The following TUSC3 variants were observed in gnomAD, a reference collection of about 807,000 sequenced individuals.
The protein encoded by TUSC3 is dolichyl-diphosphooligosaccharide--protein glycosyltransferase subunit TUSC3.
TUSC3 carries 45 observed loss-of-function variants against 44.8 expected under a neutral mutation model. That is an observed-to-expected ratio of 1.00 (90% CI 0.79 to 1.29). The LOEUF (loss-of-function observed/expected upper bound fraction) is 1.29, where lower values mean the gene tolerates loss of function less well. Among genes scored for constraint, TUSC3 ranks in the 50% most tolerant of loss-of-function variants. The pLI is 0.00. For missense variants in TUSC3, 519 were observed against 437.9 expected, an observed-to-expected ratio of 1.19 and a Z score of -1.65; for synonymous variants, 212 against 152.9, an observed-to-expected ratio of 1.39 and a Z score of -2.85.
intron 2 of TUSC3, among the ~76,000 whole-genome samples, chr8:15,650,278 G>A (rs183956790): frequency 4.3e-4 from 65 of 152,162 alleles, no homozygotes; most frequent in Admixed American, 1.0e-3. Context: ...ATTGGTCTTT[G>A]CATTTTACTA....
intron 2 of TUSC3, among the ~76,000 whole-genome samples, chr8:15,625,564 T>C (rs1041223597): frequency 1.3e-5 from 2 of 152,212 alleles, no homozygotes; most frequent in African/African-American, 4.8e-5. Flanking sequence ...TGAACACATG[T>C]TCAAGAGCAA....
intron 2 of TUSC3, among the ~76,000 whole-genome samples, chr8:15,628,394 T>G (rs915270554): frequency 5.9e-5 from 9 of 152,322 alleles, no homozygotes; most frequent in Admixed American, 2.6e-4. Flanking sequence ...CCTTAATTTT[T>G]TAATGACATC....
chr8:15,697,682 T>C (rs1217403374), intron 6 of TUSC3, among the ~76,000 whole-genome samples: 1 of 152,242 alleles, frequency 6.6e-6, no homozygotes, highest in East Asian at 1.9e-4. Context: ...ATGGGTTATG[T>C]ACATTTTATT....
At chr8:15,747,129 A>G (rs888307850) in intron 8 of TUSC3, among the ~76,000 whole-genome samples, 3 of 152,056 alleles carry the variant, frequency 2.0e-5, no homozygotes, top group Admixed American at 2.0e-4. Flanking sequence ...ACATTTGCAG[A>G]CCATATTTTG....
chr8:15,671,290 A>G (rs1373630057), intron 5 of TUSC3, among the ~76,000 whole-genome samples: 1 of 152,030 alleles, frequency 6.6e-6, no homozygotes, highest in Non-Finnish European at 1.5e-5. Context: ...AGCTGTAACT[A>G]TGAATCATGC....
chr8:15,470,035 C>T (rs1360222658), intron 1 of TUSC3, among the ~76,000 whole-genome samples: 3 of 151,858 alleles, frequency 2.0e-5, no homozygotes, highest in East Asian at 1.9e-4. Flanking sequence ...GAAGGAAGAT[C>T]GCTTGAGCCC....
intron 6 of TUSC3, among the ~76,000 whole-genome samples, chr8:15,719,510 CACACACCACACACA>C (rs1028837609): frequency 1.8e-4 from 7 of 38,260 alleles, no homozygotes; most frequent in East Asian, 1.7e-3. Context: ...CACACACACA[CACACACCACACACA>C]CACACACACA....
intron 3 of TUSC3, among the ~76,000 whole-genome samples, chr8:15,654,607 C>T (rs923878113): frequency 2.0e-5 from 3 of 151,994 alleles, no homozygotes; most frequent in Non-Finnish European, 4.4e-5. Flanking sequence ...TAAAGCCCTG[C>T]AAACGTGGTG....
chr8:15,515,544 C>T (rs1159306403), intron 2 of TUSC3, among the ~76,000 whole-genome samples: 1 of 152,006 alleles, frequency 6.6e-6, no homozygotes, highest in Non-Finnish European at 1.5e-5. Context: ...AGATTAGAAA[C>T]CAGATTTGAA....
rs550679300 is a variant in TUSC3 at position 15,654,110 on chromosome 8, G to A, written c.426+3296G>A. Among the ~76,000 whole-genome samples the A allele has an allele frequency of 2.5e-4, 38 of 152,280 alleles. 2 individuals are homozygous for A. In the South Asian group the frequency reaches 7.7e-3, roughly 31 times the overall value. ...GGCATTTTAATTAAGAAAAAAGACT[G>A]AATTCTATGAGTTTTTAAGAACCTC... On this transcript the variant is annotated intron_variant, in intron 3 of 10. Transcript: ENST00000503731.
At chr8:15,842,754 C>A in the TUSC3 span, among the ~76,000 whole-genome samples, 2 of 152,154 alleles carry the variant, frequency 1.3e-5, no homozygotes, top group African/African-American at 2.4e-5. Context: ...GCGAGAAGGT[C>A]CTTTGGTATT....
rs371926066 is a variant in TUSC3 at position 15,752,395 on chromosome 8, CAGAA to C, written c.1028+3936_1028+3939del. The stretch of plus-strand genomic sequence containing the variant: ...TCTGGTTTAAAATACATTAATTAGA[CAGAA>C]AGAAATATATGAAAAGGAAGATATA... On this transcript the variant is annotated intron_variant, in intron 9 of 10. Transcript: ENST00000503731. Among the ~76,000 whole-genome samples the C allele has an allele frequency of 7.9e-4, 120 of 151,332 alleles. No individual in the cohort carries two copies. The East Asian group carries it at 0.013, about 16-fold the overall frequency.
intron 2 of TUSC3, among the ~76,000 whole-genome samples, chr8:15,491,590 A>G (rs1309585689): frequency 6.6e-6 from 1 of 152,200 alleles, no homozygotes; most frequent in Non-Finnish European, 1.5e-5. Flanking sequence ...TTGCTTACAT[A>G]CACTGTGACA....
chr8:15,770,411 G>A (rs536799780), downstream of TUSC3, among the ~76,000 whole-genome samples: 4 of 152,132 alleles, frequency 2.6e-5, no homozygotes, highest in Non-Finnish European at 5.9e-5. Flanking sequence ...CCTGTCAGGG[G>A]ATCAGGGGCT....
the TUSC3 span, among the ~76,000 whole-genome samples, chr8:15,841,545 G>C: frequency 6.6e-6 from 1 of 150,582 alleles, no homozygotes; most frequent in African/African-American, 2.4e-5. Context: ...ATGGCATCTT[G>C]CTTTGTCTCC....
At chr8:15,701,026 G>T (rs1230957879) in intron 6 of TUSC3, among the ~76,000 whole-genome samples, 1 of 151,668 alleles carries the variant, frequency 6.6e-6, no homozygotes, top group Non-Finnish European at 1.5e-5. Context: ...TATATGTGAT[G>T]TCCAGGGTGT....
At chr8:15,728,246 C>T (rs1585273806) in intron 6 of TUSC3, among the ~76,000 whole-genome samples, 1 of 152,236 alleles carries the variant, frequency 6.6e-6, no homozygotes, top group South Asian at 2.1e-4. Flanking sequence ...AATGACAGAT[C>T]AACTCTAGGG....
At position 15,555,756 on chromosome 8, in the gene TUSC3, G is replaced by T. The variant is rs111456247; in HGVS notation, c.138+15188G>T. Among the ~76,000 whole-genome samples the T allele has an allele frequency of 2.9e-3, 442 of 151,516 alleles. 5 individuals are homozygous for T. The highest frequency in any genetic ancestry group is 0.01 in the African/African-American group (417 of 41,442). ...ATATTGCATGTATCTAAAGAATCTT[G>T]TAGAAGTTTAGCAACATTTGATCAT... On this transcript the variant is annotated intron_variant, in intron 1 of 10. Transcript: ENST00000503731.
At chr8:15,771,031 A>G (rs376095844), downstream of TUSC3, among the ~76,000 whole-genome samples, 2 of 152,202 alleles carry the variant, frequency 1.3e-5, no homozygotes, top group African/African-American at 4.8e-5. Flanking sequence ...ACGTGATTCA[A>G]CATGTAGAAG....
Sources: gnomAD v4.1 joint callset for allele counts (sites outside exome capture counted in the v4.1 genomes callset) on GRCh38, gnomAD v4.1.1 for gene constraint, MANE v1.5 for transcripts, NCBI Gene and HGNC (gene_info 2026-07-23, HGNC 2026-07-21) for gene names.